KIAA1328: variants seen among roughly 807,000 people sequenced by gnomAD.
KIAA1328 encodes the protein KIAA1328.
Under a neutral mutation model 68.1 loss-of-function variants are expected in KIAA1328, and 52 were observed. That is an observed-to-expected ratio of 0.76 (90% CI 0.61 to 0.96). The LOEUF (loss-of-function observed/expected upper bound fraction) is 0.96. Ranked by LOEUF, KIAA1328 falls within the 40% of genes least tolerant of loss-of-function variation. The pLI, the probability that KIAA1328 is intolerant of heterozygous loss-of-function variation, is 0.00. For synonymous variants in KIAA1328, 232 were observed against 239.4 expected (o/e 0.97, Z 0.28); for missense variants, 641 against 677.6 (o/e 0.95, Z 0.60).
chr18:37,019,857 G>C (rs747071693), intron 6 of KIAA1328, among the ~76,000 whole-genome samples: 1 of 152,212 alleles, frequency 6.6e-6, no homozygotes, highest in African/African-American at 2.4e-5. Flanking sequence ...GGTGGCTCAG[G>C]CTGCTGAAAC....
chr18:36,930,412 G>A lies in KIAA1328; in HGVS notation c.449-28896G>A, dbSNP rs1285587537. 2.0e-5 allele frequency among the ~76,000 whole-genome samples: 3 copies of A among 152,108 alleles called. 1 individual carries two copies. The highest frequency in any genetic ancestry group is 1.9e-4 in the East Asian group (1 of 5,200). ...AGATTATCTGGCTCTCATTGTTACC[G>A]TGGAAGCAACATTCTTTTGAGACTT... On this transcript the variant is annotated intron_variant, in intron 5 of 9. Coordinates refer to ENST00000280020, the MANE Select transcript of KIAA1328 (RefSeq NM_020776.3).
chr18:37,212,910 T>G (rs2060344988), intron 9 of KIAA1328, among the ~76,000 whole-genome samples: 1 of 151,170 alleles, frequency 6.6e-6, no homozygotes, highest in Admixed American at 6.6e-5. Flanking sequence ...AGAGATGGGG[T>G]TTTTCACCAT....
intron 5 of KIAA1328, among the ~76,000 whole-genome samples, chr18:36,953,995 CTT>C (rs71168249): frequency 3.5e-5 from 4 of 113,538 alleles, no homozygotes; most frequent in Non-Finnish European, 5.2e-5. Flanking sequence ...CTGATTGTTT[CTT>C]TTTTTTTTTT....
chr18:37,058,712 TA>T (rs982265897), intron 6 of KIAA1328, among the ~76,000 whole-genome samples: 4 of 151,290 alleles, frequency 2.6e-5, no homozygotes, highest in South Asian at 2.1e-4. Flanking sequence ...ACTCTGTCTC[TA>T]AAAAAAAATT....
At chr18:37,102,925 T>C (rs1375088132) in intron 7 of KIAA1328, among the ~76,000 whole-genome samples, 1 of 152,060 alleles carries the variant, frequency 6.6e-6, no homozygotes, top group Non-Finnish European at 1.5e-5. Flanking sequence ...AAGAAAGTGA[T>C]CCCATTTACA....
chr18:37,030,754 A>T (rs1414065748), intron 6 of KIAA1328, among the ~76,000 whole-genome samples: 1 of 152,160 alleles, frequency 6.6e-6, no homozygotes, highest in Non-Finnish European at 1.5e-5. Flanking sequence ...ACATATGTAT[A>T]CATGTGCCAT....
chr18:37,115,486 A>G (rs2058078594), intron 7 of KIAA1328, among the ~76,000 whole-genome samples: 1 of 152,336 alleles, frequency 6.6e-6, no homozygotes, highest in African/African-American at 2.4e-5. Context: ...AAAAACTCTC[A>G]ATAAGCTAGG....
chr18:37,162,000 C>G (rs2154211752), intron 8 of KIAA1328, among the ~76,000 whole-genome samples: 1 of 152,286 alleles, frequency 6.6e-6, no homozygotes, highest in East Asian at 1.9e-4. Flanking sequence ...CAAAAAAAAT[C>G]AATTTCTAAT....
chr18:36,915,950 G>A (rs1224120685), intron 5 of KIAA1328, among the ~76,000 whole-genome samples: 1 of 152,170 alleles, frequency 6.6e-6, no homozygotes, highest in Non-Finnish European at 1.5e-5. Context: ...GTGAGTGGGT[G>A]AATACAAACA....
At chr18:36,927,129 T>C (rs1275962802) in intron 5 of KIAA1328, among the ~76,000 whole-genome samples, 1 of 152,208 alleles carries the variant, frequency 6.6e-6, no homozygotes, top group Admixed American at 6.5e-5. Flanking sequence ...GGGAATCACA[T>C]TTTAACATGA....
At chr18:36,862,989 C>T (rs1025226006) in intron 4 of KIAA1328, among the ~76,000 whole-genome samples, 1 of 152,032 alleles carries the variant, frequency 6.6e-6, no homozygotes, top group Non-Finnish European at 1.5e-5. Context: ...ATTCCTTTAG[C>T]CCCATTTCTT....
intron 4 of KIAA1328, among the ~76,000 whole-genome samples, chr18:36,880,696 T>C (rs1297952141): frequency 1.3e-5 from 2 of 152,082 alleles, no homozygotes; most frequent in Non-Finnish European, 2.9e-5. Context: ...CTCAGACATA[T>C]GTTAACTGTA....
intron 1 of KIAA1328, among the ~76,000 whole-genome samples, chr18:36,830,810 C>T (rs1600892342): frequency 6.6e-6 from 1 of 152,232 alleles, no homozygotes; most frequent in East Asian, 1.9e-4. Context: ...TGAAATTGTA[C>T]AGGGGAAAAA....
At chr18:36,969,037 T>G (rs1387711931) in intron 6 of KIAA1328, among the ~76,000 whole-genome samples, 4 of 152,136 alleles carry the variant, frequency 2.6e-5, no homozygotes, top group Non-Finnish European at 5.9e-5. Flanking sequence ...TGTGAATGAC[T>G]TTTGAGTAAA....
chr18:37,133,088 A>T (rs903092242), intron 7 of KIAA1328, among the ~76,000 whole-genome samples: 21 of 152,220 alleles, frequency 1.4e-4, no homozygotes, highest in Non-Finnish European at 1.3e-4. Flanking sequence ...TAATCCCAGC[A>T]CTTTGGGAGG....
At position 37,068,628 on chromosome 18, in the gene KIAA1328, G is replaced by A. The variant is rs57456474; in HGVS notation, c.1232+1083G>A. 6.9e-3 allele frequency among the ~76,000 whole-genome samples: 1,055 copies of A among 152,190 alleles called. 18 individuals are homozygous for A. Among genetic ancestry groups the A allele is most frequent in the African/African-American group, 0.024 (1,003 of 41,540 alleles). ...CACGTTTGCCCTCCTATCTTCTTCAGTAAATTCTCTCTTCAGTATTGCCCA... is the reference window on the plus strand; with the variant it reads ...CACGTTTGCCCTCCTATCTTCTTCAATAAATTCTCTCTTCAGTATTGCCCA... On this transcript the variant is annotated intron_variant, in intron 7 of 9. Transcript: ENST00000280020.
chr18:37,213,162 T>A (rs2060351153), intron 9 of KIAA1328, among the ~76,000 whole-genome samples: 1 of 152,186 alleles, frequency 6.6e-6, no homozygotes, highest in South Asian at 2.1e-4. Context: ...TTTTTTTATT[T>A]TTATACTTTA....
At chr18:36,959,253 A>T in intron 5 of KIAA1328, 55 bp from the exon 6 acceptor site, 1 of 1,488,562 alleles carries the variant, frequency 6.7e-7, no homozygotes, top group South Asian at 1.3e-5. Context: ...AGCAGCATTG[A>T]TGGATGCAGT....
In KIAA1328 at chr18:37,141,274, G is replaced by A. The variant is rs115274597; in HGVS notation, c.1233-18926G>A. ...TTCCCTCCAAAGATCCCTAGCCCATGCAACCAATAATCTGTTATATATCAC... is the reference window on the plus strand; with the variant it reads ...TTCCCTCCAAAGATCCCTAGCCCATACAACCAATAATCTGTTATATATCAC... On this transcript the variant is annotated intron_variant, in intron 7 of 9. Transcript: ENST00000280020. 8.3e-3 allele frequency among the ~76,000 whole-genome samples: 1,263 copies of A among 152,212 alleles called. 18 individuals are homozygous for A. The highest frequency in any genetic ancestry group is 0.029 in the African/African-American group (1,206 of 41,546).
Sources: allele counts gnomAD v4.1 joint callset (sites outside exome capture counted in the v4.1 genomes callset), GRCh38; gene constraint gnomAD v4.1.1; transcripts MANE v1.5; gene names NCBI Gene and HGNC (gene_info 2026-07-23, HGNC 2026-07-21).